Variants in SOX5 observed in about 807,000 individuals in gnomAD.
The protein encoded by SOX5 is SRY-box transcription factor 5, also known as transcription factor SOX-5.
SOX5 carries 9 observed loss-of-function variants against 92.0 expected under a neutral mutation model. The observed-to-expected ratio is 0.10, with a 90% CI of 0.06 to 0.17. The LOEUF (loss-of-function observed/expected upper bound fraction) is 0.17, where lower values mean the gene tolerates loss of function less well. Ranked by LOEUF, SOX5 falls within the 10% of genes least tolerant of loss-of-function variation. SOX5 has a pLI of 1.00. For synonymous variants in SOX5, 344 were observed against 336.3 expected (o/e 1.02, Z -0.25); for missense variants, 642 against 944.5 (o/e 0.68, Z 4.20).
intron 1 of SOX5, among the ~76,000 whole-genome samples, chr12:23,896,515 T>C (rs998318119): frequency 3.3e-5 from 5 of 152,134 alleles, no homozygotes. Context: ...AGTAAGATTA[T>C]TGTAAAATGT....
intron 1 of SOX5, among the ~76,000 whole-genome samples, chr12:23,946,951 A>G (rs528319822): frequency 6.6e-6 from 1 of 152,034 alleles, no homozygotes; most frequent in Non-Finnish European, 1.5e-5. Context: ...CTATTTAACA[A>G]CTGCTTATTA....
chr12:24,017,496 A>T (rs918910004), intron 4 of SOX5, among the ~76,000 whole-genome samples: 44 of 152,130 alleles, frequency 2.9e-4, no homozygotes, highest in Non-Finnish European at 4.9e-4. Flanking sequence ...GCTACTTGGG[A>T]GGCTGAGGCA....
At chr12:24,502,040 C>T (rs1948259391) in intron 1 of SOX5, among the ~76,000 whole-genome samples, 2 of 152,174 alleles carry the variant, frequency 1.3e-5, no homozygotes, top group African/African-American at 4.8e-5. Context: ...GATTCTCAGA[C>T]CTAATTCTTG....
intron 1 of SOX5, among the ~76,000 whole-genome samples, chr12:24,389,565 C>A (rs892679623): frequency 3.9e-5 from 6 of 152,172 alleles, no homozygotes; most frequent in African/African-American, 9.7e-5. Context: ...GACATCATTT[C>A]TTTTCATTGC....
intron 1 of SOX5, among the ~76,000 whole-genome samples, chr12:23,913,910 T>C (rs1332326740): frequency 6.6e-6 from 1 of 152,160 alleles, no homozygotes; most frequent in Non-Finnish European, 1.5e-5. Context: ...AAAGATAATA[T>C]GGGTTATTTT....
intron 1 of SOX5, among the ~76,000 whole-genome samples, chr12:23,941,811 C>G (rs2139566213): frequency 6.6e-6 from 1 of 151,542 alleles, no homozygotes; most frequent in Non-Finnish European, 1.5e-5. Flanking sequence ...ATACCTTATC[C>G]TAACGAATCT....
rs16927591 is a variant in SOX5, at chr12:24,405,686, C to T, written c.-250-37047G>A. On this transcript the variant is annotated intron_variant, in intron 1 of 4. Coordinates refer to the SOX5 transcript ENST00000446891. The stretch of plus-strand genomic sequence containing the variant: ...CTGATCCCAGGCCCCACTGCCTCGA[C>T]TCTCCCTAATGGGAGCAGAATGACA... Among the ~76,000 whole-genome samples the T allele has an allele frequency of 7.5e-3, 1,138 of 152,314 alleles. 13 individuals are homozygous for T. The highest frequency in any genetic ancestry group is 0.026 in the African/African-American group (1,091 of 41,558).
chr12:23,670,573 G>A (rs563401489), intron 6 of SOX5, among the ~76,000 whole-genome samples: 1 of 152,178 alleles, frequency 6.6e-6, no homozygotes, highest in African/African-American at 2.4e-5. Flanking sequence ...AATGAGAGTG[G>A]CATCTCATCC....
At chr12:23,786,025 C>A (rs1262610578) in intron 3 of SOX5, among the ~76,000 whole-genome samples, 1 of 151,898 alleles carries the variant, frequency 6.6e-6, no homozygotes, top group African/African-American at 2.4e-5. Flanking sequence ...GTTACCTAAG[C>A]TTCTTTAAAT....
chr12:23,925,928 A>G (rs1482946933), intron 1 of SOX5, among the ~76,000 whole-genome samples: 4 of 152,228 alleles, frequency 2.6e-5, no homozygotes, highest in South Asian at 4.1e-4. Flanking sequence ...CCAACCAATT[A>G]GAATAAATGT....
intron 5 of SOX5, among the ~76,000 whole-genome samples, chr12:23,736,857 A>G (rs540901234): frequency 6.6e-6 from 1 of 151,718 alleles, no homozygotes; most frequent in African/African-American, 2.4e-5. Flanking sequence ...TGCCTGATTA[A>G]TTTTTTTATA....
intron 1 of SOX5, among the ~76,000 whole-genome samples, chr12:24,521,503 T>C (rs1329769552): frequency 2.0e-5 from 3 of 152,224 alleles, no homozygotes; most frequent in Non-Finnish European, 2.9e-5. Context: ...AGGCAGAATA[T>C]ACATTCTTCT....
Position 24,090,947 on chromosome 12 carries a change from C to T in SOX5, c.-2+122396G>A, listed in dbSNP as rs116691170. 6.0e-3 allele frequency among the ~76,000 whole-genome samples: 910 copies of T among 152,224 alleles called. 6 individuals are homozygous for T. Among genetic ancestry groups the T allele is most frequent in the Middle Eastern group, 0.02 (6 of 294 alleles). On this transcript the variant is annotated intron_variant, in intron 4 of 4. Transcript: ENST00000446891. ...AGCCTTCAAGTTGACAGAGAACTGT[C>T]GACACCTTATGGAAAAACTTGAAAA...
intron 2 of SOX5, among the ~76,000 whole-genome samples, chr12:23,879,936 G>A (rs1490230511): frequency 6.6e-6 from 1 of 152,106 alleles, no homozygotes; most frequent in Non-Finnish European, 1.5e-5. Flanking sequence ...CAGCATGGCA[G>A]CCTTGTAAAA....
chr12:24,319,012 C>G (rs1949964787), intron 2 of SOX5, among the ~76,000 whole-genome samples: 1 of 152,192 alleles, frequency 6.6e-6, no homozygotes, highest in Non-Finnish European at 1.5e-5. Flanking sequence ...TCCTTCCACA[C>G]AGAATGACTT....
chr12:24,533,321 G>T (rs980008371), intron 1 of SOX5, among the ~76,000 whole-genome samples: 1 of 152,284 alleles, frequency 6.6e-6, no homozygotes, highest in African/African-American at 2.4e-5. Context: ...GGATATGGAA[G>T]ATAATTTGAT....
chr12:23,856,150 C>T (rs933749699), intron 2 of SOX5, among the ~76,000 whole-genome samples: 5 of 152,114 alleles, frequency 3.3e-5, no homozygotes, highest in Non-Finnish European at 7.4e-5. Flanking sequence ...ATTTCCTGAA[C>T]CCACTTTAGC....
chr12:24,122,624 A>G (rs1179807100), intron 4 of SOX5, among the ~76,000 whole-genome samples: 1 of 152,222 alleles, frequency 6.6e-6, no homozygotes, highest in Admixed American at 6.5e-5. Flanking sequence ...CCAGAGTTGG[A>G]CAAAGAAGAT....
At chr12:23,726,941 A>G (rs2140738745) in intron 6 of SOX5, among the ~76,000 whole-genome samples, 1 of 152,338 alleles carries the variant, frequency 6.6e-6, no homozygotes, top group East Asian at 1.9e-4. Context: ...CGCTAACCAA[A>G]GTTTAAACAA....
Sources: gnomAD v4.1 joint callset for allele counts (sites outside exome capture counted in the v4.1 genomes callset) on GRCh38, gnomAD v4.1.1 for gene constraint, MANE v1.5 for transcripts, NCBI Gene and HGNC (gene_info 2026-07-23, HGNC 2026-07-21) for gene names.